Variants in RFTN1 observed in about 807,000 individuals in gnomAD.
The protein encoded by RFTN1 is raftlin.
A neutral mutation model predicts 46.5 loss-of-function variants in RFTN1; 26 were observed. The ratio of observed to expected loss-of-function variants is 0.56; its 90% CI spans 0.41 to 0.78. The LOEUF is 0.78. RFTN1 is among the 30% of genes least tolerant of loss of function. The pLI, the probability that RFTN1 is intolerant of heterozygous loss-of-function variation, is 0.00. For missense variants in RFTN1, 693 were observed against 718.7 expected (o/e 0.96, Z 0.41); for synonymous variants, 261 against 284.2 (o/e 0.92, Z 0.82).
chr3:16,366,468 G>A (rs1214778764), intron 6 of RFTN1, among the ~76,000 whole-genome samples: 1 of 152,014 alleles, frequency 6.6e-6, no homozygotes, highest in Non-Finnish European at 1.5e-5. Context: ...GCTTCCATCG[G>A]GTCCTGCCAC....
At chr3:16,495,373 C>T (rs2076607706) in intron 1 of RFTN1, among the ~76,000 whole-genome samples, 1 of 152,240 alleles carries the variant, frequency 6.6e-6, no homozygotes, top group Non-Finnish European at 1.5e-5. Context: ...TGCACTGTTA[C>T]TCTCTGCAAA....
chr3:16,417,309 T>C (rs2075101695), intron 3 of RFTN1, among the ~76,000 whole-genome samples: 1 of 151,998 alleles, frequency 6.6e-6, no homozygotes, highest in Non-Finnish European at 1.5e-5. Flanking sequence ...CTCCAGAACT[T>C]CTCTGTCATT....
intron 3 of RFTN1, among the ~76,000 whole-genome samples, chr3:16,432,681 A>T (rs1255468179): frequency 5.9e-5 from 9 of 152,166 alleles, no homozygotes; most frequent in Non-Finnish European, 1.2e-4. Flanking sequence ...TACAGAAAAA[A>T]AAAAGAGAGA....
intron 4 of RFTN1, among the ~76,000 whole-genome samples, chr3:16,395,256 T>C (rs898628361): frequency 1.3e-5 from 2 of 152,248 alleles, no homozygotes; most frequent in African/African-American, 4.8e-5. Flanking sequence ...CTTATATTGC[T>C]CTGTGCTCTG....
intron 7 of RFTN1, chr3:16,350,323 T>C (rs1436677957): frequency 6.7e-6 from 1 of 149,478 alleles, no homozygotes; most frequent in African/African-American, 2.4e-5. Flanking sequence ...TCCTTGTCTA[T>C]GCCTTCTTGT....
intron 4 of RFTN1, among the ~76,000 whole-genome samples, chr3:16,395,617 A>T (rs1188581564): frequency 1.3e-5 from 2 of 151,976 alleles, no homozygotes; most frequent in African/African-American, 4.8e-5. Flanking sequence ...AGCTAATTTT[A>T]TTTTTTATTT....
chr3:16,332,846 C>CCTA (rs2070464129), intron 7 of RFTN1, among the ~76,000 whole-genome samples: 1 of 151,708 alleles, frequency 6.6e-6, no homozygotes, highest in Non-Finnish European at 1.5e-5. Context: ...TATCTACCTA[C>CCTA]CTACCTACCT....
At chr3:16,436,590 T>C (rs2075520648) in intron 2 of RFTN1, among the ~76,000 whole-genome samples, 1 of 152,190 alleles carries the variant, frequency 6.6e-6, no homozygotes, top group Non-Finnish European at 1.5e-5. Flanking sequence ...ATAATACATA[T>C]TTCATTTTTT....
chr3:16,364,010 G>T (rs1001740776), intron 6 of RFTN1, among the ~76,000 whole-genome samples: 1 of 152,232 alleles, frequency 6.6e-6, no homozygotes, highest in African/African-American at 2.4e-5. Flanking sequence ...CAGCTAATTT[G>T]CTCTATTAAC....
At chr3:16,358,936 G>A (rs537995330) in intron 6 of RFTN1, among the ~76,000 whole-genome samples, 13 of 151,344 alleles carry the variant, frequency 8.6e-5, no homozygotes, top group African/African-American at 3.2e-4. Context: ...GGAGGCTGAG[G>A]CAGGAGAATC....
chr3:16,409,547 C>T (rs1185545996), intron 3 of RFTN1, 64 bp from the exon 4 acceptor site: 2 of 1,134,342 alleles, frequency 1.8e-6, no homozygotes, highest in Non-Finnish European at 2.6e-6. Flanking sequence ...GAGACAGTCT[C>T]ACTCTTGTCA....
intron 2 of RFTN1, among the ~76,000 whole-genome samples, chr3:16,438,585 C>CAA (rs61019061): frequency 0.065 from 1,997 of 30,750 alleles, 65 homozygotes; most frequent in Non-Finnish European, 0.075. Context: ...AACTCTGTCT[C>CAA]AAAAAAAAAA....
rs1312941956 is a variant in RFTN1, at chr3:16,404,027, TAATATATAA to T, written c.441+5339_441+5347del. ...TTATATATATATTATATTTTATATA[TAATATATAA>T]TATATATTTTATATATATATTATAT... On this transcript the variant is annotated intron_variant, in intron 4 of 9. Transcript: ENST00000334133. 5.9e-4 allele frequency among the ~76,000 whole-genome samples: 9 copies of T among 15,188 alleles called. 3 individuals carry two copies. The highest frequency in any genetic ancestry group is 5.2e-3 in the African/African-American group (9 of 1,730). 10.0% of individuals were successfully genotyped at this position (15,188 alleles called of 152,430 possible).
Position 16,426,005 on chromosome 3 carries a change from C to T in RFTN1, c.332+7846G>A, listed in dbSNP as rs2075283274. Among the ~76,000 whole-genome samples the T allele has an allele frequency of 6.6e-6, 1 of 152,192 alleles. No homozygotes were observed. The highest frequency in any genetic ancestry group is 1.5e-5 in the Non-Finnish European group (1 of 68,038). On this transcript the variant is annotated intron_variant, in intron 3 of 9. Coordinates refer to ENST00000334133, the MANE Select transcript of RFTN1 (RefSeq NM_015150.2). This position sits in a 1 kb window ranked among gnomAD's most constrained non-coding sequence, Gnocchi z 5.9. ...CCTAAATCGGAATCCAAAATAACGACCCACATGCTAAACAAACACCTTCTC... is the reference window on the plus strand; with the variant it reads ...CCTAAATCGGAATCCAAAATAACGATCCACATGCTAAACAAACACCTTCTC...
At chr3:16,363,655 A>G (rs1448984574) in intron 6 of RFTN1, among the ~76,000 whole-genome samples, 1 of 152,264 alleles carries the variant, frequency 6.6e-6, no homozygotes, top group African/African-American at 2.4e-5. Flanking sequence ...CTGAATGTGC[A>G]TGCCATGACA....
rs1195828248 is a variant in RFTN1 at position 16,346,131 on chromosome 3, A to C, written c.1146+11801T>G. 1 of 152,124 alleles carries C rather than the reference A, an allele frequency of 6.6e-6. No homozygotes were observed. The highest frequency in any genetic ancestry group is 2.1e-4 in the South Asian group (1 of 4,832). 9.4% of individuals were successfully genotyped at this position (152,124 alleles called of 1,614,324 possible). ...CCAGCACCCCTCAGGAAGCTTGACA[A>C]TGAAGAGGAATTATTGATGAATGTG... On this transcript the variant is annotated intron_variant, in intron 7 of 9. Coordinates refer to ENST00000334133, the MANE Select transcript of RFTN1 (RefSeq NM_015150.2). The surrounding 1 kb of genome is among the most constrained non-coding windows in gnomAD (Gnocchi z 4.4).
intron 4 of RFTN1, among the ~76,000 whole-genome samples, chr3:16,379,428 A>G (rs1408391804): frequency 6.6e-6 from 1 of 152,246 alleles, no homozygotes; most frequent in East Asian, 1.9e-4. Flanking sequence ...TTTTACATAA[A>G]TTAAAACAAC....
rs2076581181 is a variant in RFTN1, at chr3:16,493,789, C to G, written c.81G>C (p.Gln27His). The G allele has an allele frequency of 1.2e-6, 2 of 1,614,112 alleles. No individual in the cohort carries two copies. The highest frequency in any genetic ancestry group is 1.7e-6 in the Non-Finnish European group (2 of 1,180,030). Residue 27 changes from glutamine (Q) to histidine (H), a missense_variant, in exon 2 of 10, where the codon CAG (glutamine) becomes CAC (histidine). Transcript: ENST00000334133. ...AGGACACATCTATCTTGGTTTCCAC[C>G]TGAGGCCTCTTCAAAGTTGAATAAA... The part of the protein sequence containing the change: ...GNIYSTLKRP[Q>H]VETKIDVSYE...
intron 7 of RFTN1, among the ~76,000 whole-genome samples, chr3:16,343,409 GAT>G (rs1458204580): frequency 6.6e-6 from 1 of 152,184 alleles, no homozygotes; most frequent in Non-Finnish European, 1.5e-5. Flanking sequence ...GCCCTTCAAA[GAT>G]ATGAGGAAGC....
Sources: allele counts gnomAD v4.1 joint callset (sites outside exome capture counted in the v4.1 genomes callset), GRCh38; gene constraint gnomAD v4.1.1; non-coding constraint Gnocchi (gnomAD v3.1); transcripts MANE v1.5; gene names NCBI Gene and HGNC (gene_info 2026-07-23, HGNC 2026-07-21).